The following GPM6A variants were observed in gnomAD, a reference collection of about 807,000 sequenced individuals.
The protein encoded by GPM6A is glycoprotein M6A.
GPM6A carries 7 observed loss-of-function variants against 32.1 expected under a neutral mutation model. The observed-to-expected ratio is 0.22, with a 90% CI of 0.12 to 0.41. GPM6A has a LOEUF of 0.41. Among genes scored for constraint, GPM6A ranks in the 10% least tolerant of loss-of-function variants. The pLI is 1.00. For synonymous variants in GPM6A, 130 were observed against 123.4 expected (o/e 1.05, Z -0.35); for missense variants, 235 against 347.2 (o/e 0.68, Z 2.57).
chr4:175,875,660 C>T (rs1318914741), intron 1 of GPM6A, among the ~76,000 whole-genome samples: 2 of 152,114 alleles, frequency 1.3e-5, no homozygotes, highest in African/African-American at 4.8e-5. Flanking sequence ...CATCTCATCC[C>T]TACAAATACC....
intron 3 of GPM6A, among the ~76,000 whole-genome samples, chr4:175,661,153 C>T (rs565539014): frequency 2.0e-5 from 3 of 152,272 alleles, no homozygotes; most frequent in Admixed American, 1.3e-4. Context: ...AATGTTGACA[C>T]ATTGAATATA....
intron 4 of GPM6A, among the ~76,000 whole-genome samples, chr4:175,642,267 A>G (rs577027904): frequency 6.6e-6 from 1 of 152,302 alleles, no homozygotes; most frequent in African/African-American, 2.4e-5. Context: ...TTGTTGAAAA[A>G]GCTTCTGGTC....
intron 1 of GPM6A, chr4:175,787,450 C>T (rs1015692624): frequency 1.3e-5 from 19 of 1,503,794 alleles, no homozygotes; most frequent in African/African-American, 1.3e-4. Flanking sequence ...CATTCTGTTT[C>T]GTGTTCTGAG....
At chr4:175,882,879 T>A (rs112405088) in intron 1 of GPM6A, among the ~76,000 whole-genome samples, 1 of 151,918 alleles carries the variant, frequency 6.6e-6, no homozygotes, top group Admixed American at 6.6e-5. Context: ...CAGGAACAAA[T>A]AAGAATAAGG....
intron 1 of GPM6A, chr4:175,962,234 C>A: frequency 7.5e-7 from 1 of 1,334,734 alleles, no homozygotes; most frequent in South Asian, 1.2e-5. Context: ...AACAAGAGAA[C>A]ATTGACCTCC....
intron 1 of GPM6A, among the ~76,000 whole-genome samples, chr4:175,910,776 A>G (rs1034854171): frequency 6.6e-6 from 1 of 152,160 alleles, no homozygotes; most frequent in Non-Finnish European, 1.5e-5. Flanking sequence ...GAGTTCAACA[A>G]CTTTTTCTGT....
At chr4:175,948,071 CAG>C (rs1377541375) in intron 1 of GPM6A, among the ~76,000 whole-genome samples, 2 of 152,138 alleles carry the variant, frequency 1.3e-5, no homozygotes, top group South Asian at 2.1e-4. Context: ...CATCCCATTT[CAG>C]AGTTAGTAAA....
chr4:175,637,508 C>G (rs1249172216), intron 6 of GPM6A, among the ~76,000 whole-genome samples: 1 of 5,048 alleles, frequency 2.0e-4, no homozygotes, highest in Non-Finnish European at 5.7e-4. Context: ...ATATATAAAA[C>G]CTTTATATTT....
chr4:175,902,816 G>A (rs536544382), intron 1 of GPM6A, among the ~76,000 whole-genome samples: 1 of 152,108 alleles, frequency 6.6e-6, no homozygotes, highest in East Asian at 1.9e-4. Flanking sequence ...CGTCACGCTG[G>A]TGTGTCTGCG....
intron 1 of GPM6A, among the ~76,000 whole-genome samples, chr4:175,756,034 G>C (rs1231684432): frequency 1.3e-5 from 2 of 152,106 alleles, no homozygotes; most frequent in African/African-American, 4.8e-5. Context: ...GAGGAGGAGA[G>C]AAGATTTCAA....
chr4:175,906,220 T>C (rs929341569), intron 1 of GPM6A, among the ~76,000 whole-genome samples: 1 of 152,052 alleles, frequency 6.6e-6, no homozygotes, highest in African/African-American at 2.4e-5. Context: ...AGATAGAAAG[T>C]CATCACTGAA....
intron 6 of GPM6A, among the ~76,000 whole-genome samples, chr4:175,637,619 T>TATATA: frequency 1.7e-3 from 1 of 578 alleles, no homozygotes. Flanking sequence ...TAATATATAA[T>TATATA]ATATATTATA....
chr4:175,928,543 T>C (rs1423214183), intron 1 of GPM6A, among the ~76,000 whole-genome samples: 2 of 152,176 alleles, frequency 1.3e-5, no homozygotes, highest in Admixed American at 1.3e-4. Context: ...TGAAATATCA[T>C]CCATAAGGGC....
intron 2 of GPM6A, among the ~76,000 whole-genome samples, chr4:175,700,891 A>G (rs1016816884): frequency 1.3e-5 from 2 of 152,174 alleles, no homozygotes; most frequent in African/African-American, 4.8e-5. Context: ...TTTGTTCTCT[A>G]TATTATGCAA....
chr4:175,685,876 C>T (rs1300929072), intron 2 of GPM6A, among the ~76,000 whole-genome samples: 1 of 152,074 alleles, frequency 6.6e-6, no homozygotes, highest in African/African-American at 2.4e-5. Context: ...AGCATTTTTA[C>T]TAACATAACT....
chr4:175,956,371 C>T (rs567989306), intron 1 of GPM6A, among the ~76,000 whole-genome samples: 5 of 152,212 alleles, frequency 3.3e-5, no homozygotes, highest in South Asian at 2.1e-4. Flanking sequence ...CTCACCAAAG[C>T]GTCACCTAAT....
rs1741429369 is a variant in GPM6A, at chr4:176,000,086, ACT to A, written c.-23+2221_-23+2222del. On this transcript the variant is annotated intron_variant, in intron 1 of 7. Transcript: ENST00000280187. The stretch of plus-strand genomic sequence containing the variant: ...TCCTGAGTTCTGGCTTCATGCTGTC[ACT>A]CTCCCCTGCTACAGGCCTGCTCTTT... 4.6e-5 allele frequency among the ~76,000 whole-genome samples: 7 copies of A among 151,302 alleles called. No homozygotes were observed. The South Asian group carries it at 1.0e-3, about 23-fold the overall frequency.
intron 2 of GPM6A, among the ~76,000 whole-genome samples, chr4:175,687,114 A>G (rs1640062215): frequency 6.6e-6 from 1 of 152,218 alleles, no homozygotes; most frequent in African/African-American, 2.4e-5. Flanking sequence ...TATTGAAGCT[A>G]CTTTAGAATG....
intron 1 of GPM6A, among the ~76,000 whole-genome samples, chr4:175,989,038 A>T (rs1416799475): frequency 2.6e-5 from 4 of 152,206 alleles, no homozygotes; most frequent in Non-Finnish European, 5.9e-5. Flanking sequence ...TTGGAAGATC[A>T]TATTAAAGCT....
Sources: gnomAD v4.1 joint callset for allele counts (sites outside exome capture counted in the v4.1 genomes callset) on GRCh38, gnomAD v4.1.1 for gene constraint, MANE v1.5 for transcripts, NCBI Gene and HGNC (gene_info 2026-07-23, HGNC 2026-07-21) for gene names.